The following NIPBL variants were observed in gnomAD, a reference collection of about 807,000 sequenced individuals.
NIPBL encodes NIPBL cohesin loading factor.
Under a neutral mutation model 321.8 loss-of-function variants are expected in NIPBL, and 19 were observed. The observed-to-expected ratio is 0.06, with a 90% CI of 0.04 to 0.09. NIPBL has a LOEUF of 0.09. Among genes scored for constraint, NIPBL ranks in the 10% least tolerant of loss-of-function variants. The pLI, the probability that NIPBL is intolerant of heterozygous loss-of-function variation, is 1.00. For missense variants in NIPBL, 2,210 were observed against 3,327.0 expected, an observed-to-expected ratio of 0.66 and a Z score of 8.26; for synonymous variants, 1,106 against 1,114.1, an observed-to-expected ratio of 0.99 and a Z score of 0.14.
chr5:36,988,760 G>A (rs1354546081), intron 10 of NIPBL, among the ~76,000 whole-genome samples: 1 of 151,864 alleles, frequency 6.6e-6, no homozygotes, highest in Non-Finnish European at 1.5e-5. Context: ...GGTTCCTAGG[G>A]CCAAAATTGA....
At chr5:36,960,599 G>C (rs1031744518) in intron 4 of NIPBL, among the ~76,000 whole-genome samples, 1 of 152,118 alleles carries the variant, frequency 6.6e-6, no homozygotes, top group Admixed American at 6.5e-5. Context: ...ATCAACTTCT[G>C]TTTGAATATT....
chr5:36,877,412 G>A (rs1016347844), intron 1 of NIPBL, among the ~76,000 whole-genome samples: 7 of 152,228 alleles, frequency 4.6e-5, no homozygotes, highest in Non-Finnish European at 7.3e-5. Context: ...GGCGGCCGGG[G>A]AGGCGTAGGC....
At chr5:36,881,329 T>G (rs2149514869) in intron 1 of NIPBL, among the ~76,000 whole-genome samples, 1 of 151,904 alleles carries the variant, frequency 6.6e-6, no homozygotes, top group African/African-American at 2.4e-5. Context: ...TGGAGTCAGT[T>G]TTGTTGAATT....
intron 1 of NIPBL, among the ~76,000 whole-genome samples, chr5:36,938,211 C>A (rs2149579746): frequency 6.6e-6 from 1 of 152,150 alleles, no homozygotes; most frequent in South Asian, 2.1e-4. Flanking sequence ...TCCAGCCTGG[C>A]CCACTGGTTC....
intron 1 of NIPBL, among the ~76,000 whole-genome samples, chr5:36,933,377 G>A (rs1246352299): frequency 6.6e-6 from 1 of 151,902 alleles, no homozygotes; most frequent in East Asian, 1.9e-4. Flanking sequence ...TTGGTCAAAA[G>A]GGTCTGTGGA....
chr5:36,986,036 G>A lies in NIPBL; in HGVS notation c.2856G>A (p.Ala952=), dbSNP rs371566938. ...PSYLLGGRSG[A]LKNFVIPKIK... ...ATTTGTTGGGGGGCAGGTCTGGTGC[G>A]TTGAAAAATTTTGTCATTCCGAAAA... The change falls in exon 10 of 47, where the codon GCG becomes GCA. Residue 952 remains alanine (A), a synonymous_variant. Coordinates refer to ENST00000282516, the MANE Select transcript of NIPBL (RefSeq NM_133433.4). 1.4e-5 allele frequency: 23 copies of A among 1,613,732 alleles called. No homozygotes were observed. Among genetic ancestry groups the A allele is most frequent in the African/African-American group, 6.7e-5 (5 of 74,864 alleles).
chr5:36,921,172 G>A (rs955562120), intron 1 of NIPBL, among the ~76,000 whole-genome samples: 11 of 149,844 alleles, frequency 7.3e-5, no homozygotes, highest in Non-Finnish European at 1.0e-4. Flanking sequence ...GACCTAAAGT[G>A]TATTATATGT....
chr5:36,963,397 C>G (rs1369288741), intron 6 of NIPBL, among the ~76,000 whole-genome samples: 2 of 152,082 alleles, frequency 1.3e-5, no homozygotes, highest in Non-Finnish European at 2.9e-5. Context: ...TTAACTTTGT[C>G]ATCCATCAAA....
In NIPBL at chr5:36,961,589, A is replaced by T; in HGVS notation, c.458+6A>T. On this transcript the variant is annotated splice_donor_region_variant and intron_variant, in intron 5 of 46. Coordinates refer to ENST00000282516, the MANE Select transcript of NIPBL (RefSeq NM_133433.4). ...ATCTCACATAGCCCCTCCAGGTAAT[A>T]TATGTATATATCGTTTATTAAATAT... The T allele has an allele frequency of 1.4e-6, 2 of 1,457,006 alleles. No individual in the cohort carries two copies. Among genetic ancestry groups the T allele is most frequent in the South Asian group, 1.1e-5 (1 of 87,860 alleles). The allele number at this position is 1,457,006 out of a possible 1,614,324, so 90.3% of individuals were successfully genotyped here.
chr5:37,015,257 G>A (rs549336792), intron 22 of NIPBL, among the ~76,000 whole-genome samples: 28 of 152,166 alleles, frequency 1.8e-4, no homozygotes, highest in Admixed American at 1.1e-3. Flanking sequence ...CCAAGTAGCC[G>A]GGATTACAGG....
chr5:36,978,292 G>A (rs1743737098), intron 9 of NIPBL, among the ~76,000 whole-genome samples: 1 of 151,890 alleles, frequency 6.6e-6, no homozygotes, highest in African/African-American at 2.4e-5. Context: ...TAGCCATTCT[G>A]ACTGGTGTAA....
chr5:37,032,279 A>G (rs552269666), intron 32 of NIPBL, among the ~76,000 whole-genome samples: 2 of 152,294 alleles, frequency 1.3e-5, no homozygotes, highest in South Asian at 4.1e-4. Flanking sequence ...TGTACATTTT[A>G]TCTCAAGGAA....
At chr5:36,947,012 T>A (rs182327250) in intron 1 of NIPBL, among the ~76,000 whole-genome samples, 47 of 152,128 alleles carry the variant, frequency 3.1e-4, no homozygotes, top group African/African-American at 1.1e-3. Flanking sequence ...GTAGAGAGAG[T>A]ATTTACGCCC....
At chr5:36,905,617 A>C (rs943741235) in intron 1 of NIPBL, among the ~76,000 whole-genome samples, 1 of 152,230 alleles carries the variant, frequency 6.6e-6, no homozygotes, top group African/African-American at 2.4e-5. Flanking sequence ...ATGCCTATTC[A>C]TAAATTATTT....
chr5:36,900,162 T>G (rs1747090325), intron 1 of NIPBL, among the ~76,000 whole-genome samples: 1 of 152,068 alleles, frequency 6.6e-6, no homozygotes, highest in Non-Finnish European at 1.5e-5. Context: ...GTCACACATT[T>G]GCAGATTCAG....
chr5:37,012,010 T>C (rs1411172491), intron 21 of NIPBL, among the ~76,000 whole-genome samples: 1 of 152,056 alleles, frequency 6.6e-6, no homozygotes, highest in Non-Finnish European at 1.5e-5. Context: ...ATTATGGTCA[T>C]TGAGAAATAC....
At chr5:36,929,387 C>T (rs1429555344) in intron 1 of NIPBL, among the ~76,000 whole-genome samples, 2 of 151,932 alleles carry the variant, frequency 1.3e-5, no homozygotes, top group African/African-American at 4.8e-5. Flanking sequence ...TAAGTAAGTT[C>T]TTTGCCCATT....
chr5:36,968,964 T>C (rs1436508978), intron 6 of NIPBL, among the ~76,000 whole-genome samples: 1 of 152,178 alleles, frequency 6.6e-6, no homozygotes, highest in Non-Finnish European at 1.5e-5. Flanking sequence ...ATAAAAGCAT[T>C]CCACTTAGTT....
At chr5:37,033,681 T>TACACACAC (rs1554028759) in intron 32 of NIPBL, among the ~76,000 whole-genome samples, 1 of 86,416 alleles carries the variant, frequency 1.2e-5, no homozygotes, top group African/African-American at 6.7e-5. Context: ...TGTGTATATG[T>TACACACAC]ACATACACAC....
Sources: gnomAD v4.1 joint callset for allele counts (sites outside exome capture counted in the v4.1 genomes callset) on GRCh38, gnomAD v4.1.1 for gene constraint, MANE v1.5 for transcripts, NCBI Gene and HGNC (gene_info 2026-07-23, HGNC 2026-07-21) for gene names.